The following ITGB6 variants were observed in gnomAD, a reference collection of about 807,000 sequenced individuals.
The protein encoded by ITGB6 is integrin subunit beta 6, also known as integrin beta-6.
In ITGB6, 80 loss-of-function variants were observed where a neutral mutation model predicts 84.5. The ratio of observed to expected loss-of-function variants is 0.95; its 90% CI spans 0.79 to 1.14. The LOEUF (loss-of-function observed/expected upper bound fraction) is 1.14, where lower values mean the gene tolerates loss of function less well. Ranked by LOEUF, ITGB6 falls within the 50% of genes most tolerant of loss-of-function variation. The pLI is 0.00. For missense variants in ITGB6, 1,006 were observed against 968.0 expected, an observed-to-expected ratio of 1.04 and a Z score of -0.52; for synonymous variants, 383 against 354.9, an observed-to-expected ratio of 1.08 and a Z score of -0.89.
Position 160,181,018 on chromosome 2 carries a change from C to T in ITGB6, c.594-6879G>A, listed in dbSNP as rs1314165752. 2.0e-5 allele frequency among the ~76,000 whole-genome samples: 3 copies of T among 152,166 alleles called. No homozygotes were observed. In the South Asian group the frequency reaches 6.2e-4, roughly 32 times the overall value. On this transcript the variant is annotated intron_variant, in intron 4 of 14. Transcript: ENST00000283249. ...CAGACCAGGAGATTCCCTCGGGTGC[C>T]TATATCACCAGGGCCCTGGGTCTCA...
Position 160,137,819 on chromosome 2 carries a change from G to A in ITGB6, c.1275C>T (p.His425=), listed in dbSNP as rs1467661480. The part of the protein sequence containing the change: ...ASFSVTVNIP[H]CERRSRHIII... The stretch of plus-strand genomic sequence containing the variant: ...TAATGTGCCTGCTTCTTCTCTCGCA[G>A]TGTGGGATATTCACAGTCACGCTGA... The change falls in exon 10 of 15, where the codon CAC becomes CAT. Residue 425 remains histidine (H), a synonymous_variant. Coordinates refer to ENST00000283249, the MANE Select transcript of ITGB6 (RefSeq NM_000888.5). The A allele has an allele frequency of 6.2e-7, 1 of 1,614,122 alleles. No individual in the cohort carries two copies. Among genetic ancestry groups the A allele is most frequent in the Non-Finnish European group, 8.5e-7 (1 of 1,180,020 alleles).
Position 160,126,437 on chromosome 2 carries a change from C to T in ITGB6, c.1825G>A (p.Ala609Thr). The T allele has an allele frequency of 6.2e-7, 1 of 1,614,180 alleles. No homozygotes were observed. Among genetic ancestry groups the T allele is most frequent in the East Asian group, 2.2e-5 (1 of 44,878 alleles). ...CGKCVCTNPG[A>T]SGPTCERCPT... is the part of the protein sequence containing the mutation. ...CATCGTTCACAGGTTGGTCCTGAGGCTCCAGGGTTTGTGCAAACACACTTG... is the reference window on the plus strand; with the variant it reads ...CATCGTTCACAGGTTGGTCCTGAGGTTCCAGGGTTTGTGCAAACACACTTG... The change falls in exon 11 of 15, where the codon GCC becomes ACC. Residue 609 changes from alanine to threonine, a missense_variant. Ala to Thr is a moderately conservative substitution (Grantham distance 58, BLOSUM62 0). Transcript: ENST00000283249.
intron 4 of ITGB6, among the ~76,000 whole-genome samples, chr2:160,189,968 T>C (rs1428507484): frequency 2.0e-5 from 3 of 152,080 alleles, no homozygotes; most frequent in Non-Finnish European, 2.9e-5. Flanking sequence ...TGTCCAACAA[T>C]GATAGACTTG....
intron 7 of ITGB6, among the ~76,000 whole-genome samples, chr2:160,145,622 G>A (rs940326892): frequency 1.3e-5 from 2 of 152,198 alleles, no homozygotes; most frequent in Non-Finnish European, 2.9e-5. Flanking sequence ...GCTCCTCTCA[G>A]AGAGGGACCC....
At chr2:160,161,379 C>T (rs143917495) in intron 7 of ITGB6, among the ~76,000 whole-genome samples, 24 of 152,308 alleles carry the variant, frequency 1.6e-4, no homozygotes, top group African/African-American at 2.9e-4. Flanking sequence ...CAACCTCCGC[C>T]TCCCAGGTTC....
At chr2:160,175,066 A>G (rs764716544) in intron 4 of ITGB6, among the ~76,000 whole-genome samples, 3 of 152,202 alleles carry the variant, frequency 2.0e-5, no homozygotes, top group Non-Finnish European at 4.4e-5. Flanking sequence ...GTAGAAGCGC[A>G]AAGAGACAAA....
intron 4 of ITGB6, among the ~76,000 whole-genome samples, chr2:160,189,877 T>C (rs183476576): frequency 6.8e-4 from 104 of 152,264 alleles, no homozygotes; most frequent in East Asian, 1.9e-4. Context: ...GGATTCTAAA[T>C]CATGCTGCTA....
chr2:160,150,782 A>C (rs1171993343), intron 7 of ITGB6, among the ~76,000 whole-genome samples: 4 of 146,470 alleles, frequency 2.7e-5, no homozygotes, highest in Non-Finnish European at 6.2e-5. Context: ...AATGGAAAGC[A>C]AAAAAAAGCA....
chr2:160,139,788 C>A (rs961487615), intron 8 of ITGB6, among the ~76,000 whole-genome samples: 1 of 152,180 alleles, frequency 6.6e-6, no homozygotes, highest in African/African-American at 2.4e-5. Flanking sequence ...GAAACCAAGT[C>A]AATTCCCTCC....
intron 6 of ITGB6, among the ~76,000 whole-genome samples, chr2:160,171,325 A>ATCTATTTTTTTTTTTTTTTTTTTTTTT (rs1414747829): frequency 7.9e-6 from 1 of 126,004 alleles, no homozygotes; most frequent in African/African-American, 2.7e-5. Context: ...CAGAAATCAA[A>ATCTATTTTTTTTTTTTTTTTTTTTTTT]TTTATTTTTT....
At chr2:160,139,800 G>A (rs1683923133) in intron 8 of ITGB6, among the ~76,000 whole-genome samples, 1 of 152,094 alleles carries the variant, frequency 6.6e-6, no homozygotes, top group African/African-American at 2.4e-5. Flanking sequence ...ATTCCCTCCT[G>A]GAATTTAAAC....
intron 12 of ITGB6, among the ~76,000 whole-genome samples, chr2:160,123,537 T>C (rs1463359415): frequency 6.6e-6 from 1 of 152,234 alleles, no homozygotes; most frequent in Non-Finnish European, 1.5e-5. Context: ...GTTGAATTTG[T>C]TAAGCAGAGG....
rs533448507 is a variant in ITGB6, at chr2:160,101,923, C to G, written c.2269-89G>C. ...GTAGTGCAAATTGGAAGAGGAGAGT[C>G]AAGCTCAGTCTTGGAAACCATTAGA... On this transcript the variant is annotated intron_variant, in intron 14 of 14. Coordinates refer to ENST00000283249, the MANE Select transcript of ITGB6 (RefSeq NM_000888.5). 5.5e-6 allele frequency: 4 copies of G among 721,538 alleles called. No individual in the cohort carries two copies. In the Admixed American group the frequency reaches 1.0e-4, roughly 18 times the overall value. The allele number at this position is 721,538 out of a possible 1,614,324, so 44.7% of individuals were successfully genotyped here. A position where few individuals can be genotyped will look rare whatever the true frequency, so the allele number is the denominator to read the frequency against.
intron 7 of ITGB6, among the ~76,000 whole-genome samples, chr2:160,152,625 G>A (rs990877606): frequency 6.6e-6 from 1 of 152,138 alleles, no homozygotes; most frequent in African/African-American, 2.4e-5. Flanking sequence ...AAGAAATAAA[G>A]GGTATTCAGT....
At chr2:160,193,781 GA>G (rs769136780) in intron 4 of ITGB6, among the ~76,000 whole-genome samples, 10 of 152,170 alleles carry the variant, frequency 6.6e-5, no homozygotes, top group Non-Finnish European at 1.0e-4. Flanking sequence ...CAGAGAGGGG[GA>G]AAAAGGCCTA....
intron 1 of ITGB6, 140 bp downstream of exon 1, chr2:160,199,863 T>C: frequency 1.5e-6 from 1 of 656,776 alleles, no homozygotes; most frequent in Non-Finnish European, 2.7e-6. Flanking sequence ...TTGTCTGTAA[T>C]TTGTTAAAGT....
At chr2:160,182,758 C>T (rs896539396) in intron 4 of ITGB6, among the ~76,000 whole-genome samples, 4 of 152,136 alleles carry the variant, frequency 2.6e-5, no homozygotes, top group Admixed American at 1.3e-4. Context: ...TTGGGTTACC[C>T]ACGAAGAGAA....
chr2:160,181,762 C>A (rs112547175), intron 4 of ITGB6, among the ~76,000 whole-genome samples: 2 of 152,310 alleles, frequency 1.3e-5, no homozygotes, highest in African/African-American at 4.8e-5. Flanking sequence ...CTGGCGGGTG[C>A]CCCTCTGGGC....
chr2:160,128,022 G>A (rs934942708), intron 10 of ITGB6, among the ~76,000 whole-genome samples: 4 of 152,040 alleles, frequency 2.6e-5, no homozygotes, highest in Non-Finnish European at 4.4e-5. Flanking sequence ...TACACTGAGT[G>A]CTCAAAAAAT....
Sources: allele counts gnomAD v4.1 joint callset (sites outside exome capture counted in the v4.1 genomes callset), GRCh38; gene constraint gnomAD v4.1.1; transcripts MANE v1.5; gene names NCBI Gene and HGNC (gene_info 2026-07-23, HGNC 2026-07-21).